AGBL1: variants seen among roughly 807,000 people sequenced by gnomAD.
The protein encoded by AGBL1 is AGBL carboxypeptidase 1.
AGBL1 carries 130 observed loss-of-function variants against 118.9 expected under a neutral mutation model. The observed-to-expected ratio is 1.09, with a 90% CI of 0.95 to 1.26. The LOEUF is 1.26. Among genes scored for constraint, AGBL1 ranks in the 50% most tolerant of loss-of-function variants. The pLI is 0.00. For synonymous variants in AGBL1, 555 were observed against 478.9 expected, an observed-to-expected ratio of 1.16 and a Z score of -2.08; for missense variants, 1,584 against 1,298.1, an observed-to-expected ratio of 1.22 and a Z score of -3.38.
chr15:86,272,748 TAA>T (rs2079182222), intron 15 of AGBL1, among the ~76,000 whole-genome samples: 2 of 152,314 alleles, frequency 1.3e-5, no homozygotes, highest in South Asian at 2.1e-4. Context: ...TAGCCTGTAA[TAA>T]AAGAGTTGGA....
At chr15:86,756,740 G>A (rs1294691574) in intron 22 of AGBL1, among the ~76,000 whole-genome samples, 2 of 151,990 alleles carry the variant, frequency 1.3e-5, no homozygotes, top group South Asian at 2.1e-4. Context: ...ATGGCCGATC[G>A]AATTGTAGAT....
intron 18 of AGBL1, among the ~76,000 whole-genome samples, chr15:86,468,243 C>G (rs561741715): frequency 2.6e-5 from 4 of 152,160 alleles, no homozygotes; most frequent in Non-Finnish European, 5.9e-5. Flanking sequence ...TCCTTAGATA[C>G]CTTTTTTCTA....
At chr15:86,612,831 C>T (rs2084675868) in intron 21 of AGBL1, among the ~76,000 whole-genome samples, 1 of 152,142 alleles carries the variant, frequency 6.6e-6, no homozygotes, top group African/African-American at 2.4e-5. Context: ...GCTTTATCTA[C>T]ATGACAAGAA....
chr15:86,391,953 T>G (rs1035080762), intron 17 of AGBL1, among the ~76,000 whole-genome samples: 1 of 152,206 alleles, frequency 6.6e-6, no homozygotes, highest in African/African-American at 2.4e-5. Flanking sequence ...AAATGTTACC[T>G]TTTCTGTGAA....
At chr15:86,936,783 A>G (rs951758978) in intron 23 of AGBL1, among the ~76,000 whole-genome samples, 7 of 152,222 alleles carry the variant, frequency 4.6e-5, no homozygotes, top group African/African-American at 1.7e-4. Flanking sequence ...CAATCGCAGT[A>G]AAAGCAAAAA....
chr15:86,309,860 T>G (rs574356732), intron 17 of AGBL1, among the ~76,000 whole-genome samples: 3 of 152,350 alleles, frequency 2.0e-5, no homozygotes, highest in African/African-American at 7.2e-5. Flanking sequence ...TTTGTATCTA[T>G]GTTTATCAAA....
intron 22 of AGBL1, among the ~76,000 whole-genome samples, chr15:86,898,331 G>A (rs775766659): frequency 1.3e-5 from 2 of 152,148 alleles, no homozygotes; most frequent in Non-Finnish European, 2.9e-5. Context: ...AGTTTTTACA[G>A]TTTTGAGTTT....
At chr15:87,010,760 T>G (rs2081551330) in intron 24 of AGBL1, among the ~76,000 whole-genome samples, 2 of 152,338 alleles carry the variant, frequency 1.3e-5, no homozygotes, top group Middle Eastern at 3.4e-3. Flanking sequence ...TAGCCTATCA[T>G]GGGACTCCTC....
Position 86,613,266 on chromosome 15 carries a change from A to G in AGBL1, c.2994+58729A>G, listed in dbSNP as rs2447268. ...GAGAGGTTTGTTGGTTTTGGAACGT[A>G]AGATCCCAAACCATTGGAGAACTGC... On this transcript the variant is annotated intron_variant, in intron 21 of 22. Transcript: ENST00000614907. This position sits in a 1 kb window ranked among gnomAD's most constrained non-coding sequence, Gnocchi z 4.2. 0.95 allele frequency among the ~76,000 whole-genome samples: 144,099 copies of G among 152,258 alleles called. 68,223 individuals carry two copies. Among genetic ancestry groups the G allele is most frequent in the East Asian group, 1 (5,161 of 5,172 alleles).
Position 86,904,684 on chromosome 15 carries a change from A to T in AGBL1, c.3159-2403A>T, listed in dbSNP as rs948051888. On this transcript the variant is annotated intron_variant, in intron 22 of 22. Coordinates refer to ENST00000614907, the MANE Select transcript of AGBL1 (RefSeq NM_001386094.1). Reference sequence around the variant, plus strand: ...TATATAAATATATTACATGTATTTTATTATATATAAATGACAAAACCATAT... The same window carrying T: ...TATATAAATATATTACATGTATTTTTTTATATATAAATGACAAAACCATAT... Among the ~76,000 whole-genome samples, 3 of 149,368 alleles carry T rather than the reference A, an allele frequency of 2.0e-5. No individual in the cohort carries two copies. The Admixed American group carries it at 2.0e-4, about 10-fold the overall frequency.
At chr15:86,200,831 G>C (rs1442435986) in intron 5 of AGBL1, among the ~76,000 whole-genome samples, 4 of 151,864 alleles carry the variant, frequency 2.6e-5, no homozygotes, top group Non-Finnish European at 5.9e-5. Context: ...GGCCAGGCTG[G>C]TCTCCAACTC....
intron 19 of AGBL1, among the ~76,000 whole-genome samples, chr15:86,533,525 T>C (rs1370467550): frequency 8.7e-6 from 1 of 114,912 alleles, no homozygotes; most frequent in African/African-American, 4.1e-5. Flanking sequence ...GACTGTAAAC[T>C]AGTTCAACCA....
At chr15:86,771,963 A>T (rs955828939) in intron 22 of AGBL1, among the ~76,000 whole-genome samples, 6 of 151,966 alleles carry the variant, frequency 3.9e-5, no homozygotes, top group African/African-American at 1.4e-4. Flanking sequence ...TCTTGTGTGG[A>T]TAGAAATGAA....
intron 22 of AGBL1, among the ~76,000 whole-genome samples, chr15:86,722,864 A>C (rs2086749751): frequency 1.3e-5 from 2 of 152,214 alleles, no homozygotes; most frequent in East Asian, 1.9e-4. Flanking sequence ...GACACTTCTC[A>C]AAAGAAGACA....
intron 17 of AGBL1, among the ~76,000 whole-genome samples, chr15:86,362,829 T>C (rs541669950): frequency 6.6e-6 from 1 of 152,334 alleles, no homozygotes; most frequent in South Asian, 2.1e-4. Context: ...GAGGTGGATG[T>C]GTTTCCTGCC....
chr15:86,340,990 G>A (rs895804128), intron 17 of AGBL1, among the ~76,000 whole-genome samples: 2 of 152,124 alleles, frequency 1.3e-5, no homozygotes, highest in South Asian at 4.1e-4. Flanking sequence ...TCTCACTAGG[G>A]CTCCTCTGAT....
intron 22 of AGBL1, among the ~76,000 whole-genome samples, chr15:86,697,856 C>G (rs1391791470): frequency 1.3e-5 from 2 of 151,864 alleles, no homozygotes; most frequent in African/African-American, 4.8e-5. Context: ...TGTTATTTCT[C>G]TTCTGGATCT....
chr15:86,544,287 C>G (rs1213983691), intron 19 of AGBL1, among the ~76,000 whole-genome samples: 1 of 152,190 alleles, frequency 6.6e-6, no homozygotes, highest in African/African-American at 2.4e-5. Flanking sequence ...AGAGTCTCAT[C>G]ATCCAGCAGC....
intron 24 of AGBL1, among the ~76,000 whole-genome samples, chr15:86,994,037 G>C (rs917761519): frequency 6.6e-6 from 1 of 152,096 alleles, no homozygotes; most frequent in Non-Finnish European, 1.5e-5. Flanking sequence ...GTGTGACACA[G>C]GTTCTGTGTC....
Sources: allele counts gnomAD v4.1 joint callset (sites outside exome capture counted in the v4.1 genomes callset), GRCh38; gene constraint gnomAD v4.1.1; non-coding constraint Gnocchi (gnomAD v3.1); transcripts MANE v1.5; gene names NCBI Gene and HGNC (gene_info 2026-07-23, HGNC 2026-07-21).